Variants in BNC2 observed in about 807,000 individuals in gnomAD.
BNC2 encodes the protein basonuclin zinc finger protein 2, also known as zinc finger protein basonuclin-2.
In BNC2, 20 loss-of-function variants were observed where a neutral mutation model predicts 76.3. That is an observed-to-expected ratio of 0.26 (90% CI 0.18 to 0.38). The LOEUF (loss-of-function observed/expected upper bound fraction) is 0.38, where lower values mean the gene tolerates loss of function less well. Among genes scored for constraint, BNC2 ranks in the 10% least tolerant of loss-of-function variants. The pLI, the probability that BNC2 is intolerant of heterozygous loss-of-function variation, is 1.00. For missense variants in BNC2, 1,382 were observed against 1,399.8 expected (o/e 0.99, Z 0.20); for synonymous variants, 582 against 514.8 (o/e 1.13, Z -1.77).
At chr9:16,650,008 T>A (rs1821747021) in intron 3 of BNC2, among the ~76,000 whole-genome samples, 1 of 152,138 alleles carries the variant, frequency 6.6e-6, no homozygotes, top group South Asian at 2.1e-4. Flanking sequence ...AAGAGGTTCA[T>A]CCAATCTGAT....
intron 2 of BNC2, among the ~76,000 whole-genome samples, chr9:16,735,299 A>G (rs917848873): frequency 6.6e-6 from 1 of 152,098 alleles, no homozygotes; most frequent in African/African-American, 2.4e-5. Flanking sequence ...CTCAAGTCCA[A>G]ACAGTAACAG....
chr9:16,854,428 T>C (rs951377692), intron 1 of BNC2, among the ~76,000 whole-genome samples: 12 of 152,238 alleles, frequency 7.9e-5, no homozygotes, highest in Non-Finnish European at 1.5e-4. Context: ...TCTTGATTTC[T>C]AGAGCAGTTT....
chr9:16,787,844 CCCT>C (rs1407041905), intron 1 of BNC2, among the ~76,000 whole-genome samples: 1 of 152,150 alleles, frequency 6.6e-6, no homozygotes, highest in Non-Finnish European at 1.5e-5. Flanking sequence ...AGCCAACGCG[CCCT>C]GCCCTTAGAC....
intron 5 of BNC2, among the ~76,000 whole-genome samples, chr9:16,533,341 T>C (rs1301348323): frequency 1.3e-5 from 2 of 152,194 alleles, no homozygotes. Context: ...GATTATTCTG[T>C]TTTTATAATA....
chr9:16,568,258 C>T lies in BNC2; in HGVS notation c.433+14725G>A, dbSNP rs150169000. Among the ~76,000 whole-genome samples, 11 of 152,166 alleles carry T rather than the reference C, an allele frequency of 7.2e-5. No individual in the cohort carries two copies. The East Asian group carries it at 7.7e-4, about 11-fold the overall frequency. ...GATTGTTTTTATGAAACTCTTTCCA[C>T]GATTACTTTAAGAGTTCTAAAAGTT... is the stretch of plus-strand genomic sequence containing the variant. On this transcript the variant is annotated intron_variant, in intron 4 of 6. Transcript: ENST00000380672.
At chr9:16,772,916 G>C (rs1250512092) in intron 1 of BNC2, among the ~76,000 whole-genome samples, 1 of 152,160 alleles carries the variant, frequency 6.6e-6, no homozygotes, top group East Asian at 1.9e-4. Flanking sequence ...TAACTGAAGT[G>C]GCAAGATACA....
chr9:16,743,976 G>GTTTC (rs1221070098), intron 1 of BNC2, among the ~76,000 whole-genome samples: 4 of 151,864 alleles, frequency 2.6e-5, no homozygotes, highest in Admixed American at 2.6e-4. Flanking sequence ...TTGTTTGTTT[G>GTTTC]TTTGTTTGGA....
intron 1 of BNC2, among the ~76,000 whole-genome samples, chr9:16,811,006 C>G (rs1167257102): frequency 6.6e-6 from 1 of 150,504 alleles, no homozygotes; most frequent in African/African-American, 2.5e-5. Context: ...ATCTCAAGGT[C>G]AGGAGATCAA....
chr9:16,423,818 T>C (rs997749261), intron 6 of BNC2, among the ~76,000 whole-genome samples: 14 of 152,194 alleles, frequency 9.2e-5, no homozygotes, highest in African/African-American at 3.4e-4. Flanking sequence ...TGCTTGGAAC[T>C]ACAAATGCTT....
In BNC2 at chr9:16,477,671, ATATAAT is replaced by A. The variant is rs1336713799; in HGVS notation, c.670-40153_670-40148del. On this transcript the variant is annotated intron_variant, in intron 5 of 6. Transcript: ENST00000380672. ...TTTAAAAATATTCATGGGGAAACATATATAATTATATTTCATTTCAGTTTTAACATT... is the reference window on the plus strand; with the variant it reads ...TTTAAAAATATTCATGGGGAAACATATATATTTCATTTCAGTTTTAACATT... Among the ~76,000 whole-genome samples the A allele has an allele frequency of 5.3e-5, 8 of 152,306 alleles. No individual in the cohort carries two copies. In the South Asian group the frequency reaches 1.0e-3, roughly 20 times the overall value.
chr9:16,534,158 T>C (rs1248422854), intron 5 of BNC2, among the ~76,000 whole-genome samples: 3 of 152,166 alleles, frequency 2.0e-5, no homozygotes, highest in South Asian at 4.1e-4. Context: ...TATTAGAAGA[T>C]GCAATTTTGA....
intron 1 of BNC2, among the ~76,000 whole-genome samples, chr9:16,756,760 C>T (rs553802007): frequency 5.3e-5 from 8 of 152,254 alleles, no homozygotes; most frequent in South Asian, 2.1e-4. Flanking sequence ...GAGGCTGAGG[C>T]GGGGAAATCA....
At chr9:16,824,591 G>C (rs1448040744) in intron 1 of BNC2, among the ~76,000 whole-genome samples, 3 of 152,124 alleles carry the variant, frequency 2.0e-5, no homozygotes, top group Non-Finnish European at 4.4e-5. Flanking sequence ...ATGACTGAGA[G>C]GCCCCCAGGC....
At chr9:16,778,441 C>T (rs1826029753) in intron 1 of BNC2, among the ~76,000 whole-genome samples, 1 of 152,174 alleles carries the variant, frequency 6.6e-6, no homozygotes, top group African/African-American at 2.4e-5. Flanking sequence ...ATAAATCCTT[C>T]TTTTCAGCCA....
At chr9:16,488,128 T>C (rs1212730893) in intron 5 of BNC2, among the ~76,000 whole-genome samples, 2 of 152,232 alleles carry the variant, frequency 1.3e-5, no homozygotes, top group Non-Finnish European at 2.9e-5. Context: ...TATATGGCAG[T>C]GTGGGTTACT....
At chr9:16,604,749 G>A (rs2133345585) in intron 3 of BNC2, among the ~76,000 whole-genome samples, 1 of 152,264 alleles carries the variant, frequency 6.6e-6, no homozygotes, top group African/African-American at 2.4e-5. Context: ...GTTGCAGTGA[G>A]CCGAGATCGC....
At chr9:16,766,945 A>G (rs2135426758) in intron 1 of BNC2, among the ~76,000 whole-genome samples, 1 of 152,358 alleles carries the variant, frequency 6.6e-6, no homozygotes, top group Admixed American at 6.5e-5. Context: ...GGAAAGAGGG[A>G]CTTAACAAGT....
At chr9:16,673,230 A>G (rs1246729480) in intron 3 of BNC2, among the ~76,000 whole-genome samples, 1 of 152,148 alleles carries the variant, frequency 6.6e-6, no homozygotes, top group Admixed American at 6.5e-5. Context: ...AGAAATTCCT[A>G]ATGGTTTCAT....
chr9:16,549,093 T>G lies in BNC2; in HGVS notation c.669+3437A>C, dbSNP rs1818578596. Among the ~76,000 whole-genome samples, 3 of 152,218 alleles carry G rather than the reference T, an allele frequency of 2.0e-5. No individual in the cohort carries two copies. The South Asian group carries it at 6.2e-4, about 32-fold the overall frequency. On this transcript the variant is annotated intron_variant, in intron 5 of 6. Coordinates refer to ENST00000380672, the MANE Select transcript of BNC2 (RefSeq NM_017637.6). ...AATAATAACCTCTTAAACCACATAC[T>G]TTTGAAAGTTCTGCTCCCCTCTTCC...
Sources: gnomAD v4.1 joint callset for allele counts (sites outside exome capture counted in the v4.1 genomes callset) on GRCh38, gnomAD v4.1.1 for gene constraint, MANE v1.5 for transcripts, NCBI Gene and HGNC (gene_info 2026-07-23, HGNC 2026-07-21) for gene names.